PLA2G4B: variants seen among roughly 807,000 people sequenced by gnomAD.
The protein encoded by PLA2G4B is cytosolic phospholipase A2 beta.
Under a neutral mutation model 95.8 loss-of-function variants are expected in PLA2G4B, and 122 were observed. The ratio of observed to expected loss-of-function variants is 1.27; its 90% CI spans 1.10 to 1.48. PLA2G4B has a LOEUF of 1.48. Ranked by LOEUF, PLA2G4B falls within the 40% of genes most tolerant of loss-of-function variation. The pLI is 0.00. For missense variants in PLA2G4B, 1,158 were observed against 996.2 expected (o/e 1.16, Z -2.19); for synonymous variants, 518 against 421.5 (o/e 1.23, Z -2.80).
At chr15:41,847,251 C>T (rs2065577294) in intron 18 of PLA2G4B, 86 bp from the exon 19 acceptor site, 3 of 1,499,564 alleles carry the variant, frequency 2.0e-6, no homozygotes, top group South Asian at 2.6e-5. Context: ...CATTTGAGCC[C>T]CAGGTCCTGT....
chr15:41,846,113 G>A, intron 16 of PLA2G4B, 66 bp downstream of exon 16: 1 of 1,576,406 alleles, frequency 6.3e-7, no homozygotes, highest in Non-Finnish European at 8.6e-7. Flanking sequence ...CCAGGGGGCG[G>A]GGGGTTCACA....
intron 17 of PLA2G4B, 59 bp downstream of exon 17, chr15:41,846,441 G>T: frequency 3.2e-6 from 5 of 1,564,704 alleles, no homozygotes; most frequent in Non-Finnish European, 4.3e-6. Context: ...CCCCAGTCCA[G>T]ATACCCCTCA....
intron 1 of PLA2G4B, 31 bp from the exon 2 acceptor site, chr15:41,840,127 G>C: frequency 6.2e-7 from 1 of 1,608,960 alleles, no homozygotes; most frequent in Non-Finnish European, 8.5e-7. Context: ...TCATCGGCCC[G>C]TAGCAGGTCT....
chr15:41,844,471 A>G lies in PLA2G4B; in HGVS notation c.880A>G (p.Ile294Val). Residue 294 changes from isoleucine to valine, a missense_variant and splice_region_variant, in exon 12 of 20, where the codon ATC (isoleucine) becomes GTC (valine). By Grantham distance (29) the Ile-to-Val change is conservative. Transcript: ENST00000458483. ...QLDGDLQEDE[I>V]PVVAIMATGG... The stretch of plus-strand genomic sequence containing the variant: ...CAGGCCTGGCTCTCTTCTTTTCCAG[A>G]TCCCAGTGGTAGCTATTATGGCCAC... The G allele has an allele frequency of 6.2e-7, 1 of 1,614,040 alleles. No homozygotes were observed. The highest frequency in any genetic ancestry group is 1.1e-5 in the South Asian group (1 of 91,068).
Position 41,846,692 on chromosome 15 carries a change from A to C in PLA2G4B, c.1804A>C (p.Asn602His). 3.1e-6 allele frequency: 5 copies of C among 1,612,254 alleles called. No individual in the cohort carries two copies. Among genetic ancestry groups the C allele is most frequent in the Non-Finnish European group, 4.2e-6 (5 of 1,178,732 alleles). ...WKATTLDGLPNQLTPSEPHLC... is the reference protein window; with the variant it reads ...WKATTLDGLPHQLTPSEPHLC... ...AGCTACCACTCTGGATGGGCTCCCC[A>C]ACCAGCTGACACCCTCGGAGCCCCA... The change falls in exon 18 of 20, where the codon AAC (asparagine) becomes CAC (histidine). Residue 602 changes from asparagine (N) to histidine (H), a missense_variant. Transcript: ENST00000458483.
At chr15:41,844,300 C>T (rs1015511724) in intron 11 of PLA2G4B, among the ~76,000 whole-genome samples, 171 bp from the exon 12 acceptor site, 1 of 152,204 alleles carries the variant, frequency 6.6e-6, no homozygotes, top group Admixed American at 6.5e-5. Context: ...AGGAGCTGGG[C>T]ACTCAAAAGG....
chr15:41,846,316 A>T lies in PLA2G4B; in HGVS notation c.1714A>T (p.Asn572Tyr), dbSNP rs771806911. 16 of 1,612,728 alleles carry T rather than the reference A, an allele frequency of 9.9e-6. No individual in the cohort carries two copies. Among genetic ancestry groups the T allele is most frequent in the Non-Finnish European group, 1.3e-5 (15 of 1,178,898 alleles). Residue 572 changes from asparagine (N) to tyrosine (Y), a missense_variant, in exon 17 of 20, where the codon AAT becomes TAT. Asn to Tyr is a moderately radical substitution (Grantham distance 143). Transcript: ENST00000458483. ...GCGTCCACTGGCCCAGGCCACACAT[A>T]ATTTCCTGCGTGGCCTCCATTTCCA... ...TWRPLAQATH[N>Y]FLRGLHFHKD...
intron 6 of PLA2G4B, 75 bp from the exon 7 acceptor site, chr15:41,841,442 G>A: frequency 6.2e-7 from 1 of 1,611,462 alleles, no homozygotes; most frequent in Non-Finnish European, 8.5e-7. Flanking sequence ...ACCAGCAGCA[G>A]CCAGGGTGCT....
In PLA2G4B at chr15:41,847,787, G is replaced by C; in HGVS notation, c.2273G>C (p.Cys758Ser). 6.2e-7 allele frequency: 1 copy of C among 1,613,574 alleles called. No individual in the cohort carries two copies. The highest frequency in any genetic ancestry group is 8.5e-7 in the Non-Finnish European group (1 of 1,180,044). ...CTGCACCTGACACATTACAATGTCT[G>C]CAACAACCAGGAGCAGCTGCTGGAG... ...KLLHLTHYNV[C>S]NNQEQLLEAL... Residue 758 changes from cysteine to serine, a missense_variant, in exon 20 of 20, where the codon TGC becomes TCC. By Grantham distance (112) the Cys-to-Ser change is moderately radical. Transcript: ENST00000458483.
chr15:41,840,435 C>T, intron 2 of PLA2G4B, 89 bp from the exon 3 acceptor site: 1 of 1,605,860 alleles, frequency 6.2e-7, no homozygotes, highest in Non-Finnish European at 8.5e-7. Flanking sequence ...AGTCTTAACC[C>T]ACATGGGGCT....
intron 14 of PLA2G4B, 108 bp from the exon 15 acceptor site, chr15:41,845,530 C>T: frequency 2.0e-6 from 3 of 1,529,972 alleles, no homozygotes; most frequent in Non-Finnish European, 2.6e-6. Context: ...GCCACAAGGC[C>T]TGGGCCTCCT....
At chr15:41,845,442 G>A (rs2065520830) in intron 14 of PLA2G4B, 122 bp downstream of exon 14, 11 of 1,460,352 alleles carry the variant, frequency 7.5e-6, no homozygotes, top group East Asian at 2.3e-5. Flanking sequence ...CGTGCTTTCT[G>A]GAGACCGGCA....
chr15:41,843,885 G>A (rs2065483524), intron 11 of PLA2G4B, 74 bp downstream of exon 11: 5 of 1,563,040 alleles, frequency 3.2e-6, no homozygotes, highest in Non-Finnish European at 3.5e-6. Context: ...CACTGGAGCT[G>A]CTTGTCCCCG....
chr15:41,839,906 G>T, intron 1 of PLA2G4B: 1 of 520,820 alleles, frequency 1.9e-6, no homozygotes, highest in African/African-American at 1.9e-5. Context: ...TGCATAAGGT[G>T]GTTGTGCGAT....
rs757762448 is a variant in PLA2G4B, at chr15:41,841,895, C to T, written c.567C>T (p.Thr189=). The T allele has an allele frequency of 2.1e-5, 34 of 1,613,244 alleles. No homozygotes were observed. The highest frequency in any genetic ancestry group is 2.9e-5 in the Non-Finnish European group (34 of 1,179,908). Residue 189 remains threonine, a synonymous_variant, in exon 8 of 20, where the codon ACC becomes ACT. Transcript: ENST00000458483. ...GPQEASVGTG[T]FRFHCPACWE... is the part of the protein sequence containing the mutation. ...AGGAGGCCTCTGTGGGCACTGGCAC[C>T]TTCCGCTTCCACTGCCCAGCCTGCT...
At chr15:41,840,971 C>G in intron 4 of PLA2G4B, 66 bp downstream of exon 4, 9 of 1,586,288 alleles carry the variant, frequency 5.7e-6, no homozygotes, top group Non-Finnish European at 7.7e-6. Flanking sequence ...CGCACACATG[C>G]ACACACACGC....
At chr15:41,840,426 G>C in intron 2 of PLA2G4B, 98 bp from the exon 3 acceptor site, 7 of 1,603,150 alleles carry the variant, frequency 4.4e-6, no homozygotes, top group Non-Finnish European at 4.2e-6. Context: ...CTCCCCCTCA[G>C]TCTTAACCCA....
At chr15:41,841,791 G>C (rs752338131) in intron 7 of PLA2G4B, 28 bp from the exon 8 acceptor site, 14 of 1,609,500 alleles carry the variant, frequency 8.7e-6, no homozygotes, top group Non-Finnish European at 2.5e-6. Context: ...ACCGTCCCCA[G>C]CCTCTCTGCT....
intron 6 of PLA2G4B, 43 bp downstream of exon 6, chr15:41,841,316 G>T (rs781581952): frequency 6.2e-7 from 1 of 1,611,422 alleles, no homozygotes; most frequent in Non-Finnish European, 8.5e-7. Context: ...GGGTCCCCGG[G>T]ACTCCCTCAT....
Sources: gnomAD v4.1 joint callset for allele counts (sites outside exome capture counted in the v4.1 genomes callset) on GRCh38, gnomAD v4.1.1 for gene constraint, MANE v1.5 for transcripts, NCBI Gene and HGNC (gene_info 2026-07-23, HGNC 2026-07-21) for gene names.